The following MINDY4 variants were observed in gnomAD, a reference collection of about 807,000 sequenced individuals.
MINDY4 encodes the protein MINDY lysine 48 deubiquitinase 4.
MINDY4 carries 68 observed loss-of-function variants against 87.0 expected under a neutral mutation model. The ratio of observed to expected loss-of-function variants is 0.78; its 90% confidence interval spans 0.64 to 0.96. The LOEUF (loss-of-function observed/expected upper bound fraction) is 0.96. MINDY4 is among the 40% of genes least tolerant of loss of function. The pLI is 0.00. For synonymous variants in MINDY4, 379 were observed against 363.2 expected, an observed-to-expected ratio of 1.04 and a Z score of -0.50; for missense variants, 919 against 928.2, an observed-to-expected ratio of 0.99 and a Z score of 0.13.
chr7:30,881,866 G>C (rs1043948330), intron 15 of MINDY4, among the ~76,000 whole-genome samples: 1 of 151,986 alleles, frequency 6.6e-6, no homozygotes, highest in African/African-American at 2.4e-5. Flanking sequence ...AAGGCTGGCA[G>C]TGGGGGAGCT....
At chr7:30,873,234 G>C (rs985580838) in intron 14 of MINDY4, among the ~76,000 whole-genome samples, 1 of 152,198 alleles carries the variant, frequency 6.6e-6, no homozygotes, top group Admixed American at 6.5e-5. Flanking sequence ...CTGGCTGCCC[G>C]GGGTGGCCTC....
chr7:30,842,608 T>C (rs1057018610), intron 9 of MINDY4, among the ~76,000 whole-genome samples: 2 of 152,096 alleles, frequency 1.3e-5, no homozygotes, highest in Admixed American at 6.5e-5. Context: ...GGTGCCCTCA[T>C]GGCACCTATG....
intron 9 of MINDY4, among the ~76,000 whole-genome samples, chr7:30,846,865 A>G (rs192293557): frequency 1.9e-4 from 29 of 152,254 alleles, no homozygotes; most frequent in Admixed American, 1.6e-3. Flanking sequence ...ACAATTCACA[A>G]TAGGGTTCCT....
chr7:30,876,867 C>T lies in MINDY4; in HGVS notation c.1971+1211C>T, dbSNP rs748682361. Among the ~76,000 whole-genome samples the T allele has an allele frequency of 3.9e-5, 6 of 152,068 alleles. No individual in the cohort carries two copies. In the South Asian group the frequency reaches 6.2e-4, roughly 16 times the overall value. ...TGACTCAGCAGGGCCTTGCAGATAG[C>T]GCCAGGCGATTCCACCCTGGATTTT... On this transcript the variant is annotated intron_variant, in intron 15 of 17. Transcript: ENST00000265299.
At chr7:30,880,676 A>G (rs1247184343) in intron 15 of MINDY4, among the ~76,000 whole-genome samples, 1 of 152,182 alleles carries the variant, frequency 6.6e-6, no homozygotes, top group African/African-American at 2.4e-5. Flanking sequence ...AGCCAAGTTT[A>G]CGTGGGGTTT....
intron 5 of MINDY4, among the ~76,000 whole-genome samples, chr7:30,796,200 A>AT (rs1287071140): frequency 6.6e-6 from 1 of 151,644 alleles, no homozygotes; most frequent in East Asian, 1.9e-4. Context: ...CTCTCAAAAG[A>AT]TTTTTTTGTG....
At chr7:30,849,954 A>G (rs1212304687) in intron 9 of MINDY4, among the ~76,000 whole-genome samples, 1 of 152,198 alleles carries the variant, frequency 6.6e-6, no homozygotes, top group Non-Finnish European at 1.5e-5. Context: ...CTCTGTGTCT[A>G]AATGTCCAGC....
chr7:30,828,471 A>G (rs1352864623), intron 5 of MINDY4, among the ~76,000 whole-genome samples: 1 of 152,114 alleles, frequency 6.6e-6, no homozygotes, highest in Admixed American at 6.5e-5. Flanking sequence ...GAGAACACAG[A>G]ATCGACAAGC....
chr7:30,839,179 A>G, intron 7 of MINDY4, 21 bp from the exon 8 acceptor site: 2 of 1,520,648 alleles, frequency 1.3e-6, no homozygotes, highest in Non-Finnish European at 1.8e-6. Flanking sequence ...CAACCAGTAA[A>G]ACTCTCTCTT....
intron 17 of MINDY4, among the ~76,000 whole-genome samples, chr7:30,887,074 G>A (rs1402458958): frequency 3.3e-5 from 5 of 152,156 alleles, no homozygotes; most frequent in Non-Finnish European, 7.4e-5. Flanking sequence ...AATTGAAAAT[G>A]TAATTCCAGC....
intron 7 of MINDY4, among the ~76,000 whole-genome samples, chr7:30,837,307 G>A (rs1267332818): frequency 6.6e-6 from 1 of 152,106 alleles, no homozygotes; most frequent in Non-Finnish European, 1.5e-5. Context: ...GGCTACCAGG[G>A]TGGCCTCACC....
chr7:30,876,958 C>T (rs908002861), intron 15 of MINDY4, among the ~76,000 whole-genome samples: 1 of 152,144 alleles, frequency 6.6e-6, no homozygotes, highest in Non-Finnish European at 1.5e-5. Flanking sequence ...CACATGACCA[C>T]ATGTTGGGGT....
At chr7:30,808,105 A>G (rs1320098863) in intron 5 of MINDY4, among the ~76,000 whole-genome samples, 4 of 152,140 alleles carry the variant, frequency 2.6e-5, no homozygotes, top group Non-Finnish European at 5.9e-5. Context: ...AGCGACGCAG[A>G]TCCTGAGAGC....
chr7:30,774,237 A>G (rs925595195), intron 1 of MINDY4, among the ~76,000 whole-genome samples: 13 of 152,180 alleles, frequency 8.5e-5, no homozygotes, highest in African/African-American at 3.1e-4. Flanking sequence ...AAGTCTTGAG[A>G]GAAGTCCAGC....
intron 6 of MINDY4, among the ~76,000 whole-genome samples, chr7:30,830,643 G>A (rs546396375): frequency 9.3e-5 from 14 of 151,164 alleles, no homozygotes; most frequent in Non-Finnish European, 1.5e-4. Context: ...GAGGGTAACC[G>A]CCCCCATGAT....
chr7:30,871,364 CAG>C (rs1352895772), intron 13 of MINDY4, among the ~76,000 whole-genome samples: 1 of 152,196 alleles, frequency 6.6e-6, no homozygotes, highest in Non-Finnish European at 1.5e-5. Flanking sequence ...CTCTGTTCAA[CAG>C]AGTTTTCATC....
chr7:30,857,217 G>A (rs4336510), intron 12 of MINDY4, among the ~76,000 whole-genome samples: 24,218 of 152,066 alleles, frequency 0.16, 2,539 homozygotes, highest in African/African-American at 0.29. Context: ...CTTTTGGAGC[G>A]ACGTTCACTT....
At chr7:30,889,325 A>G (rs1184804436) in intron 17 of MINDY4, among the ~76,000 whole-genome samples, 1 of 152,196 alleles carries the variant, frequency 6.6e-6, no homozygotes, top group African/African-American at 2.4e-5. Flanking sequence ...TAATAGATGA[A>G]CTCAGTACCC....
intron 5 of MINDY4, among the ~76,000 whole-genome samples, chr7:30,795,468 A>G (rs1010475874): frequency 4.6e-5 from 7 of 152,190 alleles, no homozygotes; most frequent in Non-Finnish European, 1.0e-4. Flanking sequence ...GTACCAAGAT[A>G]TGAAGGCCTA....
Sources: allele counts gnomAD v4.1 joint callset (sites outside exome capture counted in the v4.1 genomes callset), GRCh38; gene constraint gnomAD v4.1.1; transcripts MANE v1.5; gene names NCBI Gene and HGNC (gene_info 2026-07-23, HGNC 2026-07-21).